Variants in FBRSL1 observed in about 807,000 individuals in gnomAD.
FBRSL1 encodes fibrosin-1-like protein.
A neutral mutation model predicts 89.6 loss-of-function variants in FBRSL1; 51 were observed. The ratio of observed to expected loss-of-function variants is 0.57; its 90% CI spans 0.45 to 0.72. The LOEUF is 0.72. Among genes scored for constraint, FBRSL1 ranks in the 30% least tolerant of loss-of-function variants. The probability of loss-of-function intolerance (pLI) is 0.00; values close to 1 mark genes in which losing one functional copy is unlikely to be tolerated. For missense variants in FBRSL1, 1,618 were observed against 1,451.8 expected, an observed-to-expected ratio of 1.11 and a Z score of -1.86; for synonymous variants, 779 against 681.1, an observed-to-expected ratio of 1.14 and a Z score of -2.24.
rs1465194939 is a variant in FBRSL1, at chr12:132,547,951, G to A, written c.616-52G>A. ...CCTGGCTGCTGCCGTGCCCCGGGGG[G>A]TGACACTGGTTGGTGGGGCCCCGAC... is the stretch of plus-strand genomic sequence containing the variant. On this transcript the variant is annotated intron_variant, in intron 4 of 18. Coordinates refer to ENST00000680143, the MANE Select transcript of FBRSL1 (RefSeq NM_001367871.1). 3 of 1,547,062 alleles carry A rather than the reference G, an allele frequency of 1.9e-6. No individual in the cohort carries two copies. In the African/African-American group the frequency reaches 4.1e-5, roughly 21 times the overall value.
intron 4 of FBRSL1, among the ~76,000 whole-genome samples, chr12:132,542,860 A>C (rs1264055878): frequency 6.6e-6 from 1 of 152,200 alleles, no homozygotes; most frequent in African/African-American, 2.4e-5. Flanking sequence ...CATAATTAAC[A>C]CTTGCACTGG....
rs2041023624 is a variant in FBRSL1 at position 132,584,843 on chromosome 12, CACACACACAA to C, written c.*1067_*1076del. ...TTACACACACACACACACACACACA[CACACACACAA>C]AATCACTGCTGTGTGTTTTCTTCCG... On this transcript the variant is annotated 3_prime_UTR_variant, in exon 19 of 19. Transcript: ENST00000680143. The C allele has an allele frequency of 6.6e-6, 1 of 152,212 alleles. No homozygotes were observed. Among genetic ancestry groups the C allele is most frequent in the African/African-American group, 2.4e-5 (1 of 41,168 alleles). The allele number at this position is 152,212 out of a possible 1,614,324, so 9.4% of individuals were successfully genotyped here. A position where few individuals can be genotyped will look rare whatever the true frequency, so the allele number is the denominator to read the frequency against.
chr12:132,550,484 C>G (rs1366391777), intron 5 of FBRSL1, among the ~76,000 whole-genome samples: 1 of 151,492 alleles, frequency 6.6e-6, no homozygotes, highest in Non-Finnish European at 1.5e-5. Flanking sequence ...GGGCAGCTCC[C>G]GGAGGCTGCT....
intron 5 of FBRSL1, among the ~76,000 whole-genome samples, chr12:132,563,995 C>G (rs1002653851): frequency 1.3e-5 from 2 of 152,180 alleles, no homozygotes; most frequent in Non-Finnish European, 2.9e-5. Flanking sequence ...CTGTGCACCC[C>G]CTGCACCCCT....
intron 5 of FBRSL1, chr12:132,550,999 C>CTG (rs747487813): frequency 1.8e-4 from 45 of 250,290 alleles, no homozygotes; most frequent in Non-Finnish European, 3.2e-4. Context: ...CAGCACCCCA[C>CTG]TGGCCGTCCC....
chr12:132,514,021 A>G (rs2034606789), intron 2 of FBRSL1, among the ~76,000 whole-genome samples: 1 of 152,134 alleles, frequency 6.6e-6, no homozygotes, highest in South Asian at 2.1e-4. Flanking sequence ...TCCCTCCCCC[A>G]GGCCCTGCCC....
intron 5 of FBRSL1, among the ~76,000 whole-genome samples, chr12:132,563,572 C>T (rs1354638784): frequency 6.6e-6 from 1 of 152,138 alleles, no homozygotes; most frequent in Non-Finnish European, 1.5e-5. Context: ...GTCCGTCTGT[C>T]CCAGCATCGT....
intron 2 of FBRSL1, among the ~76,000 whole-genome samples, chr12:132,517,963 G>A (rs550710861): frequency 6.6e-6 from 1 of 152,104 alleles, no homozygotes; most frequent in South Asian, 2.1e-4. Context: ...CAGCCCAGGC[G>A]GCAAATGTGG....
intron 1 of FBRSL1, among the ~76,000 whole-genome samples, chr12:132,491,566 G>A (rs950747588): frequency 1.3e-5 from 2 of 152,252 alleles, no homozygotes; most frequent in African/African-American, 4.8e-5. Flanking sequence ...GCCCAGCGAG[G>A]TGTGCCCCGT....
chr12:132,556,735 T>C (rs28584065), intron 5 of FBRSL1, among the ~76,000 whole-genome samples: 679 of 27,328 alleles, frequency 0.025, 52 homozygotes, highest in Middle Eastern at 0.083. Flanking sequence ...ACGCTCTTCT[T>C]CAGGCCTTCG....
chr12:132,583,245 C>T lies in FBRSL1; in HGVS notation c.2476C>T (p.Pro826Ser), dbSNP rs1369258374. 5.9e-6 allele frequency: 8 copies of T among 1,357,232 alleles called. No individual in the cohort carries two copies. The highest frequency in any genetic ancestry group is 3.5e-5 in the Admixed American group (1 of 28,860). 84.1% of individuals were successfully genotyped at this position (1,357,232 alleles called of 1,614,324 possible). A position where few individuals can be genotyped will look rare whatever the true frequency, so the allele number is the denominator to read the frequency against. The part of the protein sequence containing the change: ...EERGEDEASE[P>S]PAGGLHPAPL... ...GCGCGGGGAGGACGAGGCCTCCGAG[C>T]CCCCGGCGGGCGGCCTGCACCCCGC... The change falls in exon 19 of 19, where the codon CCC (proline) becomes TCC (serine). Residue 826 changes from proline to serine, a missense_variant. Transcript: ENST00000680143.
At chr12:132,492,487 C>T (rs2031208357) in intron 1 of FBRSL1, among the ~76,000 whole-genome samples, 1 of 152,208 alleles carries the variant, frequency 6.6e-6, no homozygotes, top group Non-Finnish European at 1.5e-5. Flanking sequence ...CCTATGGGGT[C>T]TGGTGCCGGG....
At chr12:132,528,051 C>A (rs1161346346) in intron 4 of FBRSL1, 63 bp downstream of exon 4, 59 of 1,434,986 alleles carry the variant, frequency 4.1e-5, no homozygotes, top group Non-Finnish European at 5.3e-5. Flanking sequence ...CAGGTCCCCA[C>A]CTCACCTGTC....
intron 5 of FBRSL1, among the ~76,000 whole-genome samples, chr12:132,560,759 C>G (rs1281971204): frequency 6.6e-6 from 1 of 152,228 alleles, no homozygotes; most frequent in Non-Finnish European, 1.5e-5. Context: ...CGCAGGGACC[C>G]TGAGCCTGCG....
intron 1 of FBRSL1, among the ~76,000 whole-genome samples, chr12:132,494,907 A>G (rs557821969): frequency 2.6e-5 from 4 of 152,196 alleles, no homozygotes; most frequent in Admixed American, 1.3e-4. Flanking sequence ...CAGGACATGC[A>G]CCCAAAATGC....
At chr12:132,575,497 G>A (rs1304112595) in intron 14 of FBRSL1, among the ~76,000 whole-genome samples, 1 of 152,218 alleles carries the variant, frequency 6.6e-6, no homozygotes, top group Non-Finnish European at 1.5e-5. Context: ...AAAGTGCTGG[G>A]ATTACAGGCG....
At chr12:132,543,686 G>A (rs555307973) in intron 4 of FBRSL1, among the ~76,000 whole-genome samples, 11 of 152,358 alleles carry the variant, frequency 7.2e-5, no homozygotes, top group Non-Finnish European at 1.5e-4. Flanking sequence ...CACGGGTGAG[G>A]GTCTGGGAAG....
chr12:132,511,390 C>A, intron 2 of FBRSL1: 1 of 985,838 alleles, frequency 1.0e-6, no homozygotes, highest in Non-Finnish European at 1.2e-6. Flanking sequence ...CCCCTGGGCC[C>A]ATCCCTGCCC....
At chr12:132,571,461 C>A in intron 9 of FBRSL1, 1 of 1,550,638 alleles carries the variant, frequency 6.4e-7, no homozygotes, top group Non-Finnish European at 8.7e-7. Context: ...CACACCAGCA[C>A]CAACACACAT....
Sources: allele counts gnomAD v4.1 joint callset (sites outside exome capture counted in the v4.1 genomes callset), GRCh38; gene constraint gnomAD v4.1.1; transcripts MANE v1.5; gene names NCBI Gene and HGNC (gene_info 2026-07-23, HGNC 2026-07-21).